ABL2: variants seen among roughly 807,000 people sequenced by gnomAD.
ABL2 encodes tyrosine-protein kinase ABL2.
In ABL2, 49 loss-of-function variants were observed where a neutral mutation model predicts 107.7. The observed-to-expected ratio is 0.45, with a 90% confidence interval of 0.36 to 0.58. The LOEUF is 0.58. Among genes scored for constraint, ABL2 ranks in the 20% least tolerant of loss-of-function variants. ABL2 has a pLI of 0.00. For synonymous variants in ABL2, 549 were observed against 548.6 expected (o/e 1.00, Z -0.01); for missense variants, 1,245 against 1,457.0 (o/e 0.85, Z 2.37).
chr1:179,201,985 C>G lies in ABL2; in HGVS notation c.157+27256G>C, dbSNP rs1205652283. 4 of 1,029,432 alleles carry G rather than the reference C, an allele frequency of 3.9e-6. No individual in the cohort carries two copies. In the African/African-American group the frequency reaches 6.7e-5, roughly 17 times the overall value. 63.8% of individuals were successfully genotyped at this position (1,029,432 alleles called of 1,614,324 possible). ...TCAATCTCAGGGGTCCGAGGAACAG[C>G]AGGAGAGGAGAGGGAAGGGAGCCAA... On this transcript the variant is annotated intron_variant, in intron 1 of 11. Coordinates refer to ENST00000502732, the MANE Select transcript of ABL2 (RefSeq NM_007314.4).
At chr1:179,156,034 T>C (rs191482176) in intron 1 of ABL2, among the ~76,000 whole-genome samples, 3 of 152,352 alleles carry the variant, frequency 2.0e-5, no homozygotes, top group East Asian at 1.9e-4. Flanking sequence ...CTTACTCTTT[T>C]AGGACACCTG....
chr1:179,133,337 T>A lies in ABL2; in HGVS notation c.195A>T (p.Gly65=). The A allele has an allele frequency of 6.2e-7, 1 of 1,614,126 alleles. No individual in the cohort carries two copies. Among genetic ancestry groups the A allele is most frequent in the African/African-American group, 1.3e-5 (1 of 75,002 alleles). ...FASCVEDGFE[G]DKTGGSSPEA... Reference sequence around the variant, plus strand: ...CTGGACTACTGCCTCCAGTCTTGTCTCCCTCAAATCCATCCTCCACACAGC... The same window carrying A: ...CTGGACTACTGCCTCCAGTCTTGTCACCCTCAAATCCATCCTCCACACAGC... Residue 65 remains glycine, a synonymous_variant, in exon 2 of 12, where the codon GGA becomes GGT. Coordinates refer to ENST00000502732, the MANE Select transcript of ABL2 (RefSeq NM_007314.4).
intron 11 of ABL2, 87 bp from the exon 12 acceptor site, chr1:179,109,528 T>G (rs1653835756): frequency 1.3e-6 from 2 of 1,509,192 alleles, no homozygotes; most frequent in Non-Finnish European, 1.8e-6. Context: ...ATGAGTTTTG[T>G]CAGCATTTAT....
At chr1:179,226,860 A>G (rs1227424001) in intron 1 of ABL2, among the ~76,000 whole-genome samples, 1 of 152,080 alleles carries the variant, frequency 6.6e-6, no homozygotes, top group African/African-American at 2.4e-5. Flanking sequence ...AAATACTCCA[A>G]AGTGATCTCT....
intron 1 of ABL2, among the ~76,000 whole-genome samples, chr1:179,204,017 C>T (rs1287081790): frequency 6.6e-6 from 1 of 151,830 alleles, no homozygotes; most frequent in Non-Finnish European, 1.5e-5. Context: ...AAAATATTTC[C>T]ATTTATTTAT....
chr1:179,200,039 CT>C (rs55873652), intron 1 of ABL2, among the ~76,000 whole-genome samples: 21,882 of 83,072 alleles, frequency 0.26, 2,396 homozygotes, highest in East Asian at 0.28. Flanking sequence ...CCCCCAATGC[CT>C]TTTTTTTTTT....
intron 1 of ABL2, among the ~76,000 whole-genome samples, chr1:179,193,359 C>G (rs1661125865): frequency 6.6e-6 from 1 of 150,564 alleles, no homozygotes; most frequent in African/African-American, 2.4e-5. Flanking sequence ...CCCTAAATGT[C>G]TGCTTTTTTT....
intron 1 of ABL2, among the ~76,000 whole-genome samples, chr1:179,139,895 T>C (rs1657414984): frequency 6.6e-6 from 1 of 152,216 alleles, no homozygotes; most frequent in Non-Finnish European, 1.5e-5. Flanking sequence ...AACAGTTTCA[T>C]GTGAAACCAC....
intron 1 of ABL2, among the ~76,000 whole-genome samples, chr1:179,200,154 C>A (rs1197022841): frequency 2.7e-5 from 4 of 149,388 alleles, no homozygotes; most frequent in Admixed American, 6.8e-5. Flanking sequence ...TCAAGAGATT[C>A]TCGTGCTTCA....
chr1:179,131,522 A>C, intron 2 of ABL2, 41 bp from the exon 3 acceptor site: 1 of 1,589,058 alleles, frequency 6.3e-7, no homozygotes, highest in Non-Finnish European at 8.6e-7. Flanking sequence ...CGGTGAGTTC[A>C]ACAGCGAAAC....
chr1:179,117,801 C>T (rs1026156746), intron 7 of ABL2, among the ~76,000 whole-genome samples: 6 of 152,056 alleles, frequency 3.9e-5, no homozygotes, highest in Non-Finnish European at 8.8e-5. Context: ...AAGTTATTTA[C>T]TAATGCAGAA....
Position 179,101,779 on chromosome 1 carries a change from A to G in ABL2, c.*5939T>C. 1 of 189,004 alleles carries G rather than the reference A, an allele frequency of 5.3e-6. No homozygotes were observed. The highest frequency in any genetic ancestry group is 1.1e-5 in the Non-Finnish European group (1 of 89,784). 11.7% of individuals were successfully genotyped at this position (189,004 alleles called of 1,614,324 possible). A position where few individuals can be genotyped will look rare whatever the true frequency, so the allele number is the denominator to read the frequency against. On this transcript the variant is annotated 3_prime_UTR_variant, in exon 12 of 12. Transcript: ENST00000502732. ...CATTGCAATAAACTTCCCAAGAGAC[A>G]GGCTGGACTGAGTCATGGGGGTGAG... is the stretch of plus-strand genomic sequence containing the variant.
chr1:179,151,692 C>A (rs1658370569), intron 1 of ABL2, among the ~76,000 whole-genome samples: 1 of 152,018 alleles, frequency 6.6e-6, no homozygotes, highest in Non-Finnish European at 1.5e-5. Context: ...TTTTCATAAC[C>A]ATTACTCTAT....
In ABL2 at chr1:179,148,546, T is replaced by C. The variant is rs1011539511; in HGVS notation, c.158-15172A>G. Among the ~76,000 whole-genome samples, 3 of 152,178 alleles carry C rather than the reference T, an allele frequency of 2.0e-5. No homozygotes were observed. The South Asian group carries it at 6.2e-4, about 31-fold the overall frequency. ...AAATTAATCATGACCACTCCACTGA[T>C]CAGCTGTTTCCCTGTCTCACTCCCT... On this transcript the variant is annotated intron_variant, in intron 1 of 11. Transcript: ENST00000502732.
At chr1:179,216,604 G>A (rs1232863701) in intron 1 of ABL2, among the ~76,000 whole-genome samples, 1 of 152,108 alleles carries the variant, frequency 6.6e-6, no homozygotes, top group Non-Finnish European at 1.5e-5. Context: ...ATGCTCTGGA[G>A]TGTTAAGCTA....
At chr1:179,113,695 G>A (rs28913876) in intron 9 of ABL2, among the ~76,000 whole-genome samples, 3,351 of 149,340 alleles carry the variant, frequency 0.022, 67 homozygotes, top group Middle Eastern at 0.06. Flanking sequence ...TTGGGAGGCC[G>A]AGGCAGGCGG....
At chr1:179,116,137 G>A (rs1654596614) in intron 8 of ABL2, among the ~76,000 whole-genome samples, 1 of 152,214 alleles carries the variant, frequency 6.6e-6, no homozygotes, top group Admixed American at 6.5e-5. Flanking sequence ...ACTTTGGGAG[G>A]CCAAGGCAGG....
intron 1 of ABL2, among the ~76,000 whole-genome samples, chr1:179,190,809 C>A (rs1211582546): frequency 1.3e-5 from 2 of 151,952 alleles, no homozygotes; most frequent in African/African-American, 2.4e-5. Context: ...GCCGGGGAAA[C>A]GGAATAAAGA....
At chr1:179,115,118 T>C in intron 8 of ABL2, 88 bp from the exon 9 acceptor site, 5 of 1,295,122 alleles carry the variant, frequency 3.9e-6, no homozygotes, top group Non-Finnish European at 5.3e-6. Context: ...ATATTTTAGG[T>C]AACATTCACA....
Sources: allele counts gnomAD v4.1 joint callset (sites outside exome capture counted in the v4.1 genomes callset), GRCh38; gene constraint gnomAD v4.1.1; transcripts MANE v1.5; gene names NCBI Gene and HGNC (gene_info 2026-07-23, HGNC 2026-07-21).